TRAK1: variants seen among roughly 807,000 people sequenced by gnomAD.
TRAK1 encodes the protein trafficking kinesin-binding protein 1.
Under a neutral mutation model 92.1 loss-of-function variants are expected in TRAK1, and 33 were observed. The observed-to-expected ratio is 0.36, with a 90% CI of 0.27 to 0.48. The LOEUF is 0.48. Among genes scored for constraint, TRAK1 ranks in the 20% least tolerant of loss-of-function variants. The probability of loss-of-function intolerance (pLI) is 0.99; values close to 1 mark genes in which losing one functional copy is unlikely to be tolerated. For missense variants in TRAK1, 1,123 were observed against 1,257.9 expected, an observed-to-expected ratio of 0.89 and a Z score of 1.62; for synonymous variants, 521 against 517.3, an observed-to-expected ratio of 1.01 and a Z score of -0.10.
chr3:42,117,778 T>C (rs1408500132), intron 1 of TRAK1, among the ~76,000 whole-genome samples: 1 of 152,050 alleles, frequency 6.6e-6, no homozygotes, highest in African/African-American at 2.4e-5. Flanking sequence ...TGATCCTAGA[T>C]AGGCTGACTT....
chr3:42,077,301 TA>T (rs1389719553), intron 1 of TRAK1, among the ~76,000 whole-genome samples: 1 of 152,230 alleles, frequency 6.6e-6, no homozygotes, highest in Non-Finnish European at 1.5e-5. Context: ...TTTTTCTTTT[TA>T]CCTCGAGGCA....
chr3:42,019,133 A>G (rs1380491980), intron 1 of TRAK1, among the ~76,000 whole-genome samples: 1 of 152,152 alleles, frequency 6.6e-6, no homozygotes, highest in Non-Finnish European at 1.5e-5. Context: ...GAAAAAGAAA[A>G]AAAAAGCATA....
At chr3:42,038,803 GTTTTTT>G (rs35147167) in intron 1 of TRAK1, among the ~76,000 whole-genome samples, 2 of 96,766 alleles carry the variant, frequency 2.1e-5, no homozygotes, top group African/African-American at 9.1e-5. Flanking sequence ...AAAAAAAAAA[GTTTTTT>G]TTTTTTTTTT....
chr3:42,091,700 T>C (rs966872866), intron 1 of TRAK1, 140 bp downstream of exon 1: 12 of 765,742 alleles, frequency 1.6e-5, no homozygotes, highest in Non-Finnish European at 2.4e-5. Flanking sequence ...GTAGAGAAAT[T>C]GCCATGTTGA....
At chr3:42,149,640 G>A in intron 2 of TRAK1, 2 of 1,535,922 alleles carry the variant, frequency 1.3e-6, no homozygotes, top group Non-Finnish European at 8.7e-7. Context: ...GATGTATAGG[G>A]GTATTGTCTC....
At chr3:42,138,127 C>T (rs1698179192) in intron 2 of TRAK1, among the ~76,000 whole-genome samples, 2 of 152,066 alleles carry the variant, frequency 1.3e-5, no homozygotes, top group South Asian at 4.1e-4. Context: ...AATGCAAGTG[C>T]TGTTAAATTG....
At chr3:42,145,843 G>A in intron 2 of TRAK1, 1 of 246,208 alleles carries the variant, frequency 4.1e-6, no homozygotes, top group Non-Finnish European at 7.9e-6. Context: ...ACACACTCGA[G>A]GTACTGAAAC....
intron 2 of TRAK1, chr3:42,151,219 C>T (rs903655308): frequency 1.8e-5 from 7 of 382,830 alleles, no homozygotes; most frequent in African/African-American, 1.3e-4. Context: ...AAATGCCACA[C>T]CATCCAGTTC....
At chr3:42,128,981 C>CT (rs927435406) in intron 2 of TRAK1, among the ~76,000 whole-genome samples, 2 of 152,122 alleles carry the variant, frequency 1.3e-5, no homozygotes, top group Admixed American at 6.6e-5. Flanking sequence ...ATATCACAGC[C>CT]TTTTTTTGTC....
At chr3:42,083,349 A>G (rs1704522617), upstream of TRAK1, among the ~76,000 whole-genome samples, 1 of 151,984 alleles carries the variant, frequency 6.6e-6, no homozygotes, top group African/African-American at 2.4e-5. Flanking sequence ...TGTTGATTTT[A>G]AGTGTTCCCG....
At chr3:42,149,906 G>T (rs909960981) in intron 2 of TRAK1, among the ~76,000 whole-genome samples, 1 of 152,174 alleles carries the variant, frequency 6.6e-6, no homozygotes, top group Non-Finnish European at 1.5e-5. Flanking sequence ...TGTGAGACGT[G>T]AGTGTGTTGT....
intron 1 of TRAK1, among the ~76,000 whole-genome samples, chr3:42,097,666 C>G (rs538565501): frequency 6.6e-6 from 1 of 152,298 alleles, no homozygotes; most frequent in Non-Finnish European, 1.5e-5. Flanking sequence ...TATTTTTATA[C>G]TTTCCTTTCC....
intron 1 of TRAK1, among the ~76,000 whole-genome samples, chr3:42,054,144 G>GA (rs1462443335): frequency 6.6e-6 from 1 of 152,162 alleles, no homozygotes; most frequent in Non-Finnish European, 1.5e-5. Context: ...CATACTCAAT[G>GA]AAAAATGAAT....
rs1219035854 is a variant in TRAK1 at position 42,077,124 on chromosome 3, T to G, written c.-518-9980T>G. ...TGCTTTGGCTATTTGGGCTTTTTGTTGTTTTTGTTGTTCCAAATGAATTTT... is the reference window on the plus strand; with the variant it reads ...TGCTTTGGCTATTTGGGCTTTTTGTGGTTTTTGTTGTTCCAAATGAATTTT... On this transcript the variant is annotated intron_variant, in intron 1 of 16. Coordinates refer to the TRAK1 transcript ENST00000487159. Among the ~76,000 whole-genome samples the G allele has an allele frequency of 7.2e-5, 11 of 152,354 alleles. No individual in the cohort carries two copies. The South Asian group carries it at 1.9e-3, about 26-fold the overall frequency.
intron 1 of TRAK1, among the ~76,000 whole-genome samples, chr3:42,070,253 T>C (rs1465166116): frequency 6.8e-6 from 1 of 146,600 alleles, no homozygotes; most frequent in African/African-American, 2.5e-5. Flanking sequence ...ATAATAATTA[T>C]TATAATTATA....
intron 6 of TRAK1, 109 bp from the exon 7 acceptor site, chr3:42,191,449 A>G: frequency 1.2e-6 from 1 of 867,536 alleles, no homozygotes; most frequent in Non-Finnish European, 1.7e-6. Flanking sequence ...GGGGAATGCT[A>G]AGGGCAGCTT....
At chr3:42,130,809 T>A (rs1576514335) in intron 2 of TRAK1, among the ~76,000 whole-genome samples, 1 of 152,132 alleles carries the variant, frequency 6.6e-6, no homozygotes, top group South Asian at 2.1e-4. Flanking sequence ...AACAAAGACC[T>A]TTAATCTAGT....
At chr3:42,174,736 A>T (rs1000588510) in intron 2 of TRAK1, among the ~76,000 whole-genome samples, 47 of 146,976 alleles carry the variant, frequency 3.2e-4, no homozygotes, top group East Asian at 2.6e-3. Flanking sequence ...ATATACAAAA[A>T]TTTTTTTTTT....
intron 1 of TRAK1, among the ~76,000 whole-genome samples, chr3:42,032,861 G>C (rs1032085124): frequency 6.6e-6 from 1 of 152,170 alleles, no homozygotes; most frequent in Non-Finnish European, 1.5e-5. Context: ...GTTCAAGGCT[G>C]TGGTGAGCCA....
Sources: gnomAD v4.1 joint callset for allele counts (sites outside exome capture counted in the v4.1 genomes callset) on GRCh38, gnomAD v4.1.1 for gene constraint, MANE v1.5 for transcripts, NCBI Gene and HGNC (gene_info 2026-07-23, HGNC 2026-07-21) for gene names.